SLC13A2: variants seen among roughly 807,000 people sequenced by gnomAD.
The protein encoded by SLC13A2 is Na(+)-coupled citrate transporter.
SLC13A2 carries 40 observed loss-of-function variants against 58.5 expected under a neutral mutation model. The ratio of observed to expected loss-of-function variants is 0.68; its 90% CI spans 0.53 to 0.89. SLC13A2 has a LOEUF of 0.89. Ranked by LOEUF, SLC13A2 falls within the 40% of genes least tolerant of loss-of-function variation. The pLI, the probability that SLC13A2 is intolerant of heterozygous loss-of-function variation, is 0.00. For synonymous variants in SLC13A2, 341 were observed against 331.6 expected (o/e 1.03, Z -0.31); for missense variants, 694 against 772.6 (o/e 0.90, Z 1.21).
Position 28,493,675 on chromosome 17 carries a change from C to T in SLC13A2, c.983C>T (p.Ala328Val). Reference sequence around the variant, plus strand: ...AGGCTGCTGGGCCCCATGACCTTTGCAGAAAAGGCCATCAGCATCCTATTC... The same window carrying T: ...AGGCTGCTGGGCCCCATGACCTTTGTAGAAAAGGCCATCAGCATCCTATTC... ...EHRLLGPMTFAEKAISILFVI... is the reference protein window; with the variant it reads ...EHRLLGPMTFVEKAISILFVI... Residue 328 changes from alanine (A) to valine (V), a missense_variant, in exon 7 of 12, where the codon GCA becomes GTA. Physicochemically the swap from Ala to Val is moderately conservative, Grantham distance 64. Transcript: ENST00000314669. 6.2e-7 allele frequency: 1 copy of T among 1,614,276 alleles called. No individual in the cohort carries two copies.
At chr17:28,482,885 G>A (rs782313862) in intron 1 of SLC13A2, among the ~76,000 whole-genome samples, 47 of 152,276 alleles carry the variant, frequency 3.1e-4, no homozygotes, top group African/African-American at 5.3e-4. Context: ...TCCTCTGAGC[G>A]CCATTCTTCT....
intron 1 of SLC13A2, among the ~76,000 whole-genome samples, chr17:28,479,234 C>T (rs2068741257): frequency 6.6e-6 from 1 of 152,148 alleles, no homozygotes; most frequent in Non-Finnish European, 1.5e-5. Context: ...TCTCTATAGT[C>T]AGCCAAGCAC....
rs967060045 is a variant in SLC13A2 at position 28,495,875 on chromosome 17, G to C, written c.1470+59G>C. On this transcript the variant is annotated intron_variant, in intron 10 of 11. Coordinates refer to ENST00000314669, the MANE Select transcript of SLC13A2 (RefSeq NM_003984.4). ...AGCCCGCCTGCCTGCCCCACCAGGG[G>C]TTCTGCCTGCTGGGCAGAGTATCCT... 35 of 1,569,952 alleles carry C rather than the reference G, an allele frequency of 2.2e-5. No homozygotes were observed. The Admixed American group carries it at 4.5e-4, about 20-fold the overall frequency.
intron 1 of SLC13A2, among the ~76,000 whole-genome samples, chr17:28,474,426 C>A (rs1338231859): frequency 6.6e-6 from 1 of 152,070 alleles, no homozygotes; most frequent in East Asian, 1.9e-4. Flanking sequence ...GCGTCACTGC[C>A]TCCTCCTCCG....
At chr17:28,493,016 A>G (rs573207713) in intron 6 of SLC13A2, among the ~76,000 whole-genome samples, 35 of 152,330 alleles carry the variant, frequency 2.3e-4, no homozygotes, top group African/African-American at 8.4e-4. Flanking sequence ...GGAGTCAAAG[A>G]TGTGTGAAGT....
In SLC13A2 at chr17:28,497,636, G is replaced by C. The variant is rs1235767893; in HGVS notation, c.*367G>C. On this transcript the variant is annotated 3_prime_UTR_variant, in exon 12 of 12. Coordinates refer to ENST00000314669, the MANE Select transcript of SLC13A2 (RefSeq NM_003984.4). ...TGCCCTCTCTGGTGCCCCAGGTCTT[G>C]GTATCCCCAGCTTAGTGACCAGACT... 4.7e-6 allele frequency: 1 copy of C among 210,794 alleles called. No homozygotes were observed. The highest frequency in any genetic ancestry group is 1.1e-4 in the East Asian group (1 of 8,988). 13.1% of individuals were successfully genotyped at this position (210,794 alleles called of 1,614,324 possible). A position where few individuals can be genotyped will look rare whatever the true frequency, so the allele number is the denominator to read the frequency against.
intron 11 of SLC13A2, 65 bp from the exon 12 acceptor site, chr17:28,497,034 A>G: frequency 6.5e-7 from 1 of 1,544,678 alleles, no homozygotes; most frequent in Non-Finnish European, 8.9e-7. Flanking sequence ...ACCCCCAAAC[A>G]CCTGGGGACT....
chr17:28,494,504 G>T lies in SLC13A2; in HGVS notation c.1300G>T (p.Gly434Cys). The change falls in exon 9 of 12, where the codon GGC becomes TGC. Residue 434 changes from glycine (G) to cysteine (C), a missense_variant. Coordinates refer to ENST00000314669, the MANE Select transcript of SLC13A2 (RefSeq NM_003984.4). The surrounding 1 kb of genome is among the most constrained non-coding windows in gnomAD (Gnocchi z 4.0). Reference sequence around the variant, plus strand: ...GGGTGGTGGCTATGCCCTGGCCAAGGGCAGTGAGGTGAGAGGCCCCCAGCC... The same window carrying T: ...GGGTGGTGGCTATGCCCTGGCCAAGTGCAGTGAGGTGAGAGGCCCCCAGCC... Reference protein sequence around the residue: ...LLGGGYALAKGSERSGLSEWL... With the variant: ...LLGGGYALAKCSERSGLSEWL... 6.2e-7 allele frequency: 1 copy of T among 1,614,010 alleles called. No individual in the cohort carries two copies. The highest frequency in any genetic ancestry group is 8.5e-7 in the Non-Finnish European group (1 of 1,179,954).
intron 1 of SLC13A2, among the ~76,000 whole-genome samples, chr17:28,483,408 G>A (rs891730902): frequency 6.6e-6 from 1 of 152,026 alleles, no homozygotes; most frequent in Admixed American, 6.6e-5. Flanking sequence ...AGAGAGGATT[G>A]CTTGAGCCCA....
Position 28,494,363 on chromosome 17 carries a change from G to A in SLC13A2, c.1187-28G>A. 1 of 1,614,124 alleles carries A rather than the reference G, an allele frequency of 6.2e-7. No homozygotes were observed. The highest frequency in any genetic ancestry group is 8.5e-7 in the Non-Finnish European group (1 of 1,180,032). ...GGGAAAGGCCTGTTTGTTCTTTGGT[G>A]ACCCATCCTTCTCTGCTTGGGAAGT... On this transcript the variant is annotated intron_variant, in intron 8 of 11. Coordinates refer to ENST00000314669, the MANE Select transcript of SLC13A2 (RefSeq NM_003984.4). This position sits in a 1 kb window ranked among gnomAD's most constrained non-coding sequence, Gnocchi z 4.0.
At chr17:28,480,403 A>G (rs2068763435) in intron 1 of SLC13A2, among the ~76,000 whole-genome samples, 1 of 152,138 alleles carries the variant, frequency 6.6e-6, no homozygotes, top group Non-Finnish European at 1.5e-5. Flanking sequence ...AGGGACTTGG[A>G]TGATTCACTT....
rs1348400560 is a variant in SLC13A2 at position 28,489,316 on chromosome 17, A to G, written c.205A>G (p.Met69Val). ...CCTCTTCCCCTTAATCCTGTTCCCT[A>G]TGATGGGCATCGTGGATGCCTCTGA... ...TALFPLILFP[M>V]MGIVDASEVA... The change falls in exon 2 of 12, where the codon ATG becomes GTG. Residue 69 changes from methionine (M) to valine (V), a missense_variant. Physicochemically the swap from Met to Val is conservative, Grantham distance 21 (BLOSUM62 1). Transcript: ENST00000314669. 14 of 1,613,118 alleles carry G rather than the reference A, an allele frequency of 8.7e-6. No homozygotes were observed. The highest frequency in any genetic ancestry group is 2.2e-5 in the East Asian group (1 of 44,828).
chr17:28,494,512 G>A lies in SLC13A2; in HGVS notation c.1308G>A (p.Glu436=), dbSNP rs1555604269. 1 of 1,613,932 alleles carries A rather than the reference G, an allele frequency of 6.2e-7. No individual in the cohort carries two copies. Among genetic ancestry groups the A allele is most frequent in the South Asian group, 1.1e-5 (1 of 91,058 alleles). The change falls in exon 9 of 12, where the codon GAG becomes GAA. Residue 436 remains glutamate, a splice_region_variant and synonymous_variant. Transcript: ENST00000314669. The surrounding 1 kb of genome is among the most constrained non-coding windows in gnomAD (Gnocchi z 4.0). ...GCTATGCCCTGGCCAAGGGCAGTGAGGTGAGAGGCCCCCAGCCCCCTCCTC... is the reference window on the plus strand; with the variant it reads ...GCTATGCCCTGGCCAAGGGCAGTGAAGTGAGAGGCCCCCAGCCCCCTCCTC... The part of the protein sequence containing the change: ...GGGYALAKGS[E]RSGLSEWLGN...
At chr17:28,479,549 T>A (rs1418859424) in intron 1 of SLC13A2, among the ~76,000 whole-genome samples, 17 of 152,148 alleles carry the variant, frequency 1.1e-4, no homozygotes, top group African/African-American at 4.1e-4. Flanking sequence ...CACAAACACC[T>A]CCCAGGACCC....
Position 28,497,189 on chromosome 17 carries a change from T to C in SLC13A2, c.1699T>C (p.Ser567Pro), listed in dbSNP as rs1256120473. Residue 567 changes from serine to proline, a missense_variant, in exon 12 of 12, where the codon TCT becomes CCT. By Grantham distance (74) the Ser-to-Pro change is moderately conservative. Transcript: ENST00000314669. The part of the protein sequence containing the change: ...SWGIPLFSLH[S>P]FPSWAQSNTT... Reference sequence around the variant, plus strand: ...GGGCATCCCCCTCTTCAGCCTGCACTCTTTCCCCTCCTGGGCACAGTCCAA... The same window carrying C: ...GGGCATCCCCCTCTTCAGCCTGCACCCTTTCCCCTCCTGGGCACAGTCCAA... 5.0e-6 allele frequency: 8 copies of C among 1,614,036 alleles called. No individual in the cohort carries two copies. Among genetic ancestry groups the C allele is most frequent in the Admixed American group, 3.3e-5 (2 of 60,004 alleles).
rs782678727 is a variant in SLC13A2 at position 28,489,263 on chromosome 17, C to T, written c.152C>T (p.Thr51Ile). The T allele has an allele frequency of 6.2e-7, 1 of 1,614,130 alleles. No individual in the cohort carries two copies. Among genetic ancestry groups the T allele is most frequent in the East Asian group, 2.2e-5 (1 of 44,884 alleles). The part of the protein sequence containing the change: ...AIILMALFWC[T>I]EALPLAVTAL... ...ATCCTCATGGCGCTCTTCTGGTGCA[C>T]TGAGGCCCTGCCCCTGGCCGTCACT... Residue 51 changes from threonine (T) to isoleucine (I), a missense_variant, in exon 2 of 12, where the codon ACT becomes ATT. Physicochemically the swap from Thr to Ile is moderately conservative, Grantham distance 89. Coordinates refer to ENST00000314669, the MANE Select transcript of SLC13A2 (RefSeq NM_003984.4).
chr17:28,474,561 A>G (rs1287067438), intron 1 of SLC13A2, among the ~76,000 whole-genome samples: 1 of 152,094 alleles, frequency 6.6e-6, no homozygotes, highest in Non-Finnish European at 1.5e-5. Context: ...CATTTGACAA[A>G]TGGGGAAGGT....
intron 1 of SLC13A2, among the ~76,000 whole-genome samples, chr17:28,477,425 A>T (rs1441594614): frequency 2.0e-5 from 3 of 151,704 alleles, no homozygotes; most frequent in East Asian, 2.0e-4. Context: ...TGATCTCCTG[A>T]CCTCGTGATC....
chr17:28,493,236 T>C (rs1177788012), intron 6 of SLC13A2, among the ~76,000 whole-genome samples: 1 of 152,010 alleles, frequency 6.6e-6, no homozygotes, highest in East Asian at 1.9e-4. Flanking sequence ...CCGAAGGCTG[T>C]TGGAGGAGAA....
Sources: allele counts gnomAD v4.1 joint callset (sites outside exome capture counted in the v4.1 genomes callset), GRCh38; gene constraint gnomAD v4.1.1; non-coding constraint Gnocchi (gnomAD v3.1); transcripts MANE v1.5; gene names NCBI Gene and HGNC (gene_info 2026-07-23, HGNC 2026-07-21).